SPEF2: variants seen among roughly 807,000 people sequenced by gnomAD.
SPEF2 encodes the protein sperm flagellar and cilia associated 2.
Under a neutral mutation model 224.6 loss-of-function variants are expected in SPEF2, and 187 were observed. The observed-to-expected ratio is 0.83, with a 90% CI of 0.74 to 0.94. The LOEUF (loss-of-function observed/expected upper bound fraction) is 0.94. Ranked by LOEUF, SPEF2 falls within the 40% of genes least tolerant of loss-of-function variation. The pLI, the probability that SPEF2 is intolerant of heterozygous loss-of-function variation, is 0.00. For missense variants in SPEF2, 2,170 were observed against 2,135.6 expected (o/e 1.02, Z -0.32); for synonymous variants, 715 against 707.3 (o/e 1.01, Z -0.17).
intron 2 of SPEF2, among the ~76,000 whole-genome samples, chr5:35,640,653 G>A (rs915946981): frequency 6.6e-6 from 1 of 152,078 alleles, no homozygotes; most frequent in Non-Finnish European, 1.5e-5. Flanking sequence ...CTCCTCCAAG[G>A]CCTTTTTCTC....
intron 6 of SPEF2, among the ~76,000 whole-genome samples, chr5:35,653,390 C>G (rs1171730854): frequency 6.6e-6 from 1 of 152,128 alleles, no homozygotes; most frequent in Non-Finnish European, 1.5e-5. Flanking sequence ...TCTAAGCAGT[C>G]AAAAATTGAT....
chr5:35,733,773 G>T (rs1746061245), intron 21 of SPEF2, among the ~76,000 whole-genome samples: 1 of 147,036 alleles, frequency 6.8e-6, no homozygotes, highest in African/African-American at 2.6e-5. Flanking sequence ...CAGAGAGACA[G>T]TACAGTGAAT....
At chr5:35,740,391 T>G in intron 23 of SPEF2, 124 bp downstream of exon 23, 1 of 1,268,088 alleles carries the variant, frequency 7.9e-7, no homozygotes, top group Non-Finnish European at 1.1e-6. Flanking sequence ...TGGTTTGAAC[T>G]ATTAACCAGG....
At chr5:35,788,635 G>T in intron 30 of SPEF2, 1 of 702,974 alleles carries the variant, frequency 1.4e-6, no homozygotes, top group South Asian at 1.5e-5. Context: ...AACTTAGACT[G>T]TCGAGCCAAG....
At position 35,740,190 on chromosome 5, in the gene SPEF2, C is replaced by T; in HGVS notation, c.3253C>T (p.Gln1085Ter). The change falls in exon 23 of 37, where the codon CAG (glutamine) becomes TAG (stop). Residue 1085 changes from glutamine (Q) to a stop codon, truncating the protein, a stop_gained. Coordinates refer to ENST00000356031, the MANE Select transcript of SPEF2 (RefSeq NM_024867.4). LOFTEE classifies it high-confidence loss of function. ...CAAGCAAGATTTTGTAGCTCAATGG[C>T]AGGCTGATTTCAACTCCCTTCCTGA... is the stretch of plus-strand genomic sequence containing the variant. Reference protein sequence around the residue: ...DHKQDFVAQWQADFNSLPDDL... With the variant: ...DHKQDFVAQW 2 of 1,614,094 alleles carry T rather than the reference C, an allele frequency of 1.2e-6. No individual in the cohort carries two copies. Among genetic ancestry groups the T allele is most frequent in the Non-Finnish European group, 8.5e-7 (1 of 1,180,008 alleles).
At chr5:35,751,096 C>CATATATATATATATATATATATAT (rs376188111) in intron 23 of SPEF2, among the ~76,000 whole-genome samples, 3 of 30,610 alleles carry the variant, frequency 9.8e-5, no homozygotes, top group African/African-American at 3.3e-4. Context: ...CACACACACA[C>CATATATATATATATATATATATAT]ATATATATAT....
chr5:35,633,226 T>C (rs1745372214), intron 2 of SPEF2, among the ~76,000 whole-genome samples: 1 of 152,152 alleles, frequency 6.6e-6, no homozygotes, highest in Non-Finnish European at 1.5e-5. Context: ...TTATTGAAAG[T>C]TGGAACCAAA....
At chr5:35,618,175 C>A in intron 1 of SPEF2, 120 bp downstream of exon 1, 2 of 1,084,976 alleles carry the variant, frequency 1.8e-6, no homozygotes, top group Non-Finnish European at 1.4e-6. Context: ...GGTGGGGCAC[C>A]TGCGTAGCCG....
Position 35,773,873 on chromosome 5 carries a change from A to G in SPEF2, c.3950-20A>G, listed in dbSNP as rs1000014115. 1 of 1,607,446 alleles carries G rather than the reference A, an allele frequency of 6.2e-7. No individual in the cohort carries two copies. The highest frequency in any genetic ancestry group is 8.5e-7 in the Non-Finnish European group (1 of 1,177,438). Reference sequence around the variant, plus strand: ...TTTGTATTTTGTTAGTTTACTCAGCATGTTTCATTGCCCTTTCAGGTAAAT... The same window carrying G: ...TTTGTATTTTGTTAGTTTACTCAGCGTGTTTCATTGCCCTTTCAGGTAAAT... On this transcript the variant is annotated intron_variant, in intron 27 of 36. Coordinates refer to ENST00000356031, the MANE Select transcript of SPEF2 (RefSeq NM_024867.4).
intron 21 of SPEF2, among the ~76,000 whole-genome samples, chr5:35,729,756 T>G (rs901900254): frequency 2.0e-5 from 3 of 152,142 alleles, no homozygotes; most frequent in Non-Finnish European, 4.4e-5. Flanking sequence ...GGGGAGATAA[T>G]TGAATCATAG....
At position 35,692,562 on chromosome 5, in the gene SPEF2, T is replaced by C. The variant is rs1754677489; in HGVS notation, c.1745-8T>C. ...AAGCTATTTATAAAATTATCTTTTG[T>C]ACTTTAGACTTTCCTATACAGATAC... On this transcript the variant is annotated splice_region_variant and splice_polypyrimidine_tract_variant and intron_variant, in intron 11 of 36. Transcript: ENST00000356031. 6.4e-7 allele frequency: 1 copy of C among 1,569,680 alleles called. No homozygotes were observed.
chr5:35,623,637 C>T (rs1743821393), intron 1 of SPEF2, among the ~76,000 whole-genome samples: 1 of 152,126 alleles, frequency 6.6e-6, no homozygotes, highest in South Asian at 2.1e-4. Flanking sequence ...AGGTGCTTCC[C>T]CAGACCAGTG....
chr5:35,709,550 C>A, intron 19 of SPEF2: 1 of 987,066 alleles, frequency 1.0e-6, no homozygotes, highest in Non-Finnish European at 1.2e-6. Context: ...TTAACAGCAA[C>A]CATTAGAACT....
chr5:35,789,919 T>A (rs1427191361), intron 30 of SPEF2: 2 of 702,920 alleles, frequency 2.8e-6, no homozygotes, highest in Middle Eastern at 2.3e-4. Flanking sequence ...TAGAGATTTA[T>A]GCCAGGTAAG....
chr5:35,686,948 T>A (rs1232123878), intron 10 of SPEF2, among the ~76,000 whole-genome samples: 1 of 151,108 alleles, frequency 6.6e-6, no homozygotes, highest in Non-Finnish European at 1.5e-5. Flanking sequence ...TGTGTGTTTG[T>A]GTGTGTGTGC....
At chr5:35,790,527 C>A (rs57611688) in intron 30 of SPEF2, 225 of 412,898 alleles carry the variant, frequency 5.4e-4, no homozygotes, top group African/African-American at 4.4e-3. Flanking sequence ...TTCTTCCAAA[C>A]ATACAGAGTA....
rs754202846 is a variant in SPEF2 at position 35,759,689 on chromosome 5, A to G, written c.3590A>G (p.Asp1197Gly). 14 of 1,602,396 alleles carry G rather than the reference A, an allele frequency of 8.7e-6. No individual in the cohort carries two copies. The highest frequency in any genetic ancestry group is 4.5e-5 in the South Asian group (4 of 89,334). The change falls in exon 25 of 37, where the codon GAT (aspartate) becomes GGT (glycine). Residue 1197 changes from aspartate (D) to glycine (G), a missense_variant. Physicochemically the swap from Asp to Gly is moderately conservative, Grantham distance 94. Coordinates refer to ENST00000356031, the MANE Select transcript of SPEF2 (RefSeq NM_024867.4). Reference protein sequence around the residue: ...RFTRIPLVQLDSKDNSESQLR... With the variant: ...RFTRIPLVQLGSKDNSESQLR... ...ACTCGAATCCCTTTGGTCCAACTGG[A>G]TAGTAAAGACAATTCTGAAAGCCAG...
chr5:35,655,782 C>T (rs904811817), intron 7 of SPEF2, among the ~76,000 whole-genome samples: 2 of 152,098 alleles, frequency 1.3e-5, no homozygotes, highest in Non-Finnish European at 2.9e-5. Context: ...TTATGATGAG[C>T]CTTGTAAGAT....
Position 35,646,654 on chromosome 5 carries a change from A to G in SPEF2, c.586-13A>G, listed in dbSNP as rs761663103. The G allele has an allele frequency of 1.2e-6, 2 of 1,611,986 alleles. No homozygotes were observed. Among genetic ancestry groups the G allele is most frequent in the Admixed American group, 1.7e-5 (1 of 59,816 alleles). On this transcript the variant is annotated splice_polypyrimidine_tract_variant and intron_variant, in intron 4 of 36. Transcript: ENST00000356031. ...ATTCTGAATCACTAAACTAATGTAT[A>G]TGGGATATTCAGCAATACTTAAACA...
Sources: gnomAD v4.1 joint callset for allele counts (sites outside exome capture counted in the v4.1 genomes callset) on GRCh38, gnomAD v4.1.1 for gene constraint, MANE v1.5 for transcripts, NCBI Gene and HGNC (gene_info 2026-07-23, HGNC 2026-07-21) for gene names.